The following TRDN variants were observed in gnomAD, a reference collection of about 807,000 sequenced individuals.
The protein encoded by TRDN is triadin.
In TRDN, 161 loss-of-function variants were observed where a neutral mutation model predicts 149.7. That is an observed-to-expected ratio of 1.08 (90% confidence interval 0.95 to 1.23). TRDN has a LOEUF of 1.23. TRDN is among the 50% of genes most tolerant of loss of function. The probability of loss-of-function intolerance (pLI) is 0.00; values close to 1 mark genes in which losing one functional copy is unlikely to be tolerated. For synonymous variants in TRDN, 294 were observed against 250.5 expected (o/e 1.17, Z -1.64); for missense variants, 896 against 823.5 (o/e 1.09, Z -1.08).
chr6:123,539,466 C>G lies in TRDN; in HGVS notation c.424+7874G>C, dbSNP rs143403311. On this transcript the variant is annotated intron_variant, in intron 4 of 40. Coordinates refer to ENST00000334268, the MANE Select transcript of TRDN (RefSeq NM_006073.4). ...GTAAAATATCATAGCTAGAAAAGAC[C>G]TGGACATCAGTAAATCTGGCAGTTT... is the stretch of plus-strand genomic sequence containing the variant. 6.1e-4 allele frequency among the ~76,000 whole-genome samples: 93 copies of G among 152,234 alleles called. No individual in the cohort carries two copies. In the East Asian group the frequency reaches 9.5e-3, roughly 15 times the overall value.
intron 8 of TRDN, chr6:123,502,195 TC>T (rs1185903528): frequency 2.0e-5 from 20 of 983,950 alleles, no homozygotes; most frequent in Non-Finnish European, 2.4e-5. Context: ...TACCAGTGAA[TC>T]CAAAGATTAT....
chr6:123,491,219 C>A (rs1215069289), intron 9 of TRDN, among the ~76,000 whole-genome samples: 3 of 151,686 alleles, frequency 2.0e-5, no homozygotes, highest in Non-Finnish European at 4.4e-5. Context: ...TATGGACCAT[C>A]AAGGTTTATA....
chr6:123,365,229 T>C (rs896512847), intron 20 of TRDN, among the ~76,000 whole-genome samples: 1 of 152,296 alleles, frequency 6.6e-6, no homozygotes, highest in East Asian at 1.9e-4. Context: ...ATACAGTTCA[T>C]ATTTTTCTTA....
chr6:123,537,607 C>T (rs1338733279), intron 4 of TRDN, among the ~76,000 whole-genome samples: 2 of 152,112 alleles, frequency 1.3e-5, no homozygotes. Flanking sequence ...AAAATGTTTA[C>T]ATAAGGTCTA....
At position 123,569,098 on chromosome 6, in the gene TRDN, G is replaced by T. The variant is rs554711759; in HGVS notation, c.232+1825C>A. ...GAGGCAGCCAGGCTACATCTTGAAT[G>T]TTTTACTGCTTAGATATTTCTTCCA... is the stretch of plus-strand genomic sequence containing the variant. On this transcript the variant is annotated intron_variant, in intron 2 of 40. Transcript: ENST00000334268. Among the ~76,000 whole-genome samples the T allele has an allele frequency of 1.4e-4, 21 of 152,202 alleles. 1 individual carries two copies. In the South Asian group the frequency reaches 3.9e-3, roughly 29 times the overall value.
At chr6:123,399,023 T>G (rs1772850128) in intron 12 of TRDN, among the ~76,000 whole-genome samples, 1 of 152,194 alleles carries the variant, frequency 6.6e-6, no homozygotes, top group Non-Finnish European at 1.5e-5. Flanking sequence ...CCTTAATAAC[T>G]TAGCATTATA....
intron 1 of TRDN, among the ~76,000 whole-genome samples, chr6:123,617,878 C>G (rs1370192181): frequency 2.6e-5 from 4 of 152,006 alleles, no homozygotes; most frequent in African/African-American, 4.8e-5. Flanking sequence ...GCTGGGATGA[C>G]AGGTGCCCGC....
intron 38 of TRDN, among the ~76,000 whole-genome samples, chr6:123,246,117 T>A (rs1776166610): frequency 6.6e-6 from 1 of 152,104 alleles, no homozygotes; most frequent in Non-Finnish European, 1.5e-5. Flanking sequence ...TAGCACTAAA[T>A]GCCCACATGA....
chr6:123,428,800 A>T (rs1164617354), intron 12 of TRDN, among the ~76,000 whole-genome samples: 1 of 152,076 alleles, frequency 6.6e-6, no homozygotes, highest in African/African-American at 2.4e-5. Context: ...CCTTGTATTT[A>T]CCCTATTATA....
At chr6:123,492,034 T>C (rs564229514) in intron 9 of TRDN, among the ~76,000 whole-genome samples, 6 of 152,304 alleles carry the variant, frequency 3.9e-5, no homozygotes, top group African/African-American at 1.4e-4. Flanking sequence ...CTTAATAAAA[T>C]GAGAGTACTA....
At chr6:123,599,587 G>A (rs1193813746) in intron 1 of TRDN, among the ~76,000 whole-genome samples, 1 of 151,448 alleles carries the variant, frequency 6.6e-6, no homozygotes, top group Non-Finnish European at 1.5e-5. Context: ...TCATAATTTG[G>A]TGCTATTTTT....
At chr6:123,412,120 A>G (rs890214068) in intron 12 of TRDN, among the ~76,000 whole-genome samples, 2 of 152,166 alleles carry the variant, frequency 1.3e-5, no homozygotes, top group Non-Finnish European at 2.9e-5. Flanking sequence ...TACTATTTTT[A>G]TCTCCCCAAA....
At chr6:123,624,206 G>C (rs560977416) in intron 1 of TRDN, among the ~76,000 whole-genome samples, 1 of 152,200 alleles carries the variant, frequency 6.6e-6, no homozygotes, top group African/African-American at 2.4e-5. Flanking sequence ...ACAGGTAAAT[G>C]ACAGAGTGAT....
chr6:123,636,628 T>C, intron 1 of TRDN, 126 bp downstream of exon 1: 1 of 1,087,372 alleles, frequency 9.2e-7, no homozygotes, highest in East Asian at 2.5e-5. Context: ...AGATCCTGTA[T>C]AGAATCATTG....
chr6:123,343,812 C>T lies in TRDN; in HGVS notation c.1370-6143G>A, dbSNP rs138406199. Reference sequence around the variant, plus strand: ...TTACAGCAAAACTAATCAGAAAGTGCGGAGTTCCTGTACATTCTTTCTGTA... The same window carrying T: ...TTACAGCAAAACTAATCAGAAAGTGTGGAGTTCCTGTACATTCTTTCTGTA... On this transcript the variant is annotated intron_variant, in intron 21 of 40. Transcript: ENST00000334268. 3.6e-3 allele frequency among the ~76,000 whole-genome samples: 553 copies of T among 152,046 alleles called. 3 individuals carry two copies. Among genetic ancestry groups the T allele is most frequent in the Non-Finnish European group, 6.1e-3 (412 of 67,952 alleles).
At chr6:123,574,100 G>A (rs1289881500) in intron 1 of TRDN, among the ~76,000 whole-genome samples, 2 of 151,828 alleles carry the variant, frequency 1.3e-5, no homozygotes, top group African/African-American at 2.4e-5. Flanking sequence ...TAGTTTTTTA[G>A]TTATTTTTTA....
chr6:123,235,505 A>G (rs1775752531), intron 38 of TRDN, among the ~76,000 whole-genome samples: 1 of 152,154 alleles, frequency 6.6e-6, no homozygotes, highest in Non-Finnish European at 1.5e-5. Context: ...CCCAGCTAGG[A>G]AATCTCAAAA....
intron 38 of TRDN, among the ~76,000 whole-genome samples, chr6:123,249,821 G>C (rs906382458): frequency 6.6e-6 from 1 of 152,010 alleles, no homozygotes; most frequent in Non-Finnish European, 1.5e-5. Flanking sequence ...ATCAAAACAA[G>C]AGAAAGAAAT....
At chr6:123,381,908 AT>A (rs950463904) in intron 15 of TRDN, among the ~76,000 whole-genome samples, 6 of 151,582 alleles carry the variant, frequency 4.0e-5, no homozygotes, top group African/African-American at 1.5e-4. Flanking sequence ...ATTTATTTCC[AT>A]TACTGCGAAA....
Sources: allele counts gnomAD v4.1 joint callset (sites outside exome capture counted in the v4.1 genomes callset), GRCh38; gene constraint gnomAD v4.1.1; transcripts MANE v1.5; gene names NCBI Gene and HGNC (gene_info 2026-07-23, HGNC 2026-07-21).